The following NEMP2 variants were observed in gnomAD, a reference collection of about 807,000 sequenced individuals.
The protein encoded by NEMP2 is UPF0571 transmembrane protein.
NEMP2 carries 53 observed loss-of-function variants against 54.2 expected under a neutral mutation model. The ratio of observed to expected loss-of-function variants is 0.98; its 90% CI spans 0.78 to 1.23. NEMP2 has a LOEUF of 1.23. Ranked by LOEUF, NEMP2 falls within the 50% of genes most tolerant of loss-of-function variation. NEMP2 has a pLI of 0.00. For synonymous variants in NEMP2, 197 were observed against 190.3 expected, an observed-to-expected ratio of 1.04 and a Z score of -0.29; for missense variants, 455 against 511.3, an observed-to-expected ratio of 0.89 and a Z score of 1.06.
chr2:190,425,872 A>C, the NEMP2 span, among the ~76,000 whole-genome samples: 4 of 152,062 alleles, frequency 2.6e-5, no homozygotes, highest in Non-Finnish European at 5.9e-5. This position sits in a 1 kb window ranked among gnomAD's most constrained non-coding sequence, Gnocchi z 4.3. Context: ...TTCTTTTAGC[A>C]CTTAAAAAAA....
chr2:190,542,926 G>A, the NEMP2 span, among the ~76,000 whole-genome samples: 1 of 152,134 alleles, frequency 6.6e-6, no homozygotes, highest in African/African-American at 2.4e-5. This position sits in a 1 kb window ranked among gnomAD's most constrained non-coding sequence, Gnocchi z 4.6. Context: ...ATGGTTCCCT[G>A]TTTACTATAG....
At chr2:190,640,764 A>G in the NEMP2 span, among the ~76,000 whole-genome samples, 1 of 140,216 alleles carries the variant, frequency 7.1e-6, no homozygotes, top group Non-Finnish European at 1.5e-5. Flanking sequence ...CAATTCGCCA[A>G]CTCATCAATA....
the NEMP2 span, among the ~76,000 whole-genome samples, chr2:190,561,373 A>G: frequency 1.3e-5 from 2 of 152,160 alleles, no homozygotes; most frequent in African/African-American, 4.8e-5. This position sits in a 1 kb window ranked among gnomAD's most constrained non-coding sequence, Gnocchi z 5.4. Context: ...AAACAACAGG[A>G]AATTTATTTT....
the NEMP2 span, among the ~76,000 whole-genome samples, chr2:190,631,774 G>A: frequency 6.6e-6 from 1 of 152,186 alleles, no homozygotes; most frequent in Admixed American, 6.5e-5. Flanking sequence ...AGATACCATG[G>A]GCTGGGCATG....
the NEMP2 span, chr2:190,435,913 G>A: frequency 7.6e-7 from 1 of 1,315,026 alleles, no homozygotes; most frequent in Middle Eastern, 2.0e-4. Flanking sequence ...CCTGCAAGAT[G>A]AAGTTCTGTG....
chr2:190,456,786 C>T, the NEMP2 span, among the ~76,000 whole-genome samples: 1 of 152,232 alleles, frequency 6.6e-6, no homozygotes, highest in Admixed American at 6.5e-5. This position sits in a 1 kb window ranked among gnomAD's most constrained non-coding sequence, Gnocchi z 5.4. Context: ...GCATCGATAC[C>T]TGCAGTTTCT....
chr2:190,443,425 A>G, the NEMP2 span, among the ~76,000 whole-genome samples: 1 of 152,218 alleles, frequency 6.6e-6, no homozygotes, highest in African/African-American at 2.4e-5. The surrounding 1 kb of genome is among the most constrained non-coding windows in gnomAD (Gnocchi z 4.2). Context: ...TGACCAGCAT[A>G]GATTAGGAGT....
chr2:190,572,377 T>A, the NEMP2 span, among the ~76,000 whole-genome samples: 8 of 152,158 alleles, frequency 5.3e-5, no homozygotes, highest in Admixed American at 5.2e-4. Flanking sequence ...CTATAGAACA[T>A]GTGCCTCAAC....
At chr2:190,487,593 A>G in the NEMP2 span, among the ~76,000 whole-genome samples, 1 of 152,226 alleles carries the variant, frequency 6.6e-6, no homozygotes, top group African/African-American at 2.4e-5. The surrounding 1 kb of genome is among the most constrained non-coding windows in gnomAD (Gnocchi z 5.5). Flanking sequence ...TGGGCAAAGG[A>G]ATTGAATAAA....
chr2:190,523,604 C>G lies in NEMP2; in HGVS notation c.213+1659G>C, dbSNP rs1020957929. On this transcript the variant is annotated intron_variant, in intron 2 of 8. Coordinates refer to ENST00000409150, the MANE Select transcript of NEMP2 (RefSeq NM_001142645.2). The surrounding 1 kb of genome is among the most constrained non-coding windows in gnomAD (Gnocchi z 5.3). ...TGAACACACCTAATGTTGACTGTTC[C>G]TTGGAAAAAAAATGTTATGATTCCA... Among the ~76,000 whole-genome samples the G allele has an allele frequency of 1.3e-5, 1 of 77,214 alleles. No individual in the cohort carries two copies. The highest frequency in any genetic ancestry group is 3.4e-5 in the African/African-American group (1 of 29,116). 50.7% of individuals were successfully genotyped at this position (77,214 alleles called of 152,430 possible).
chr2:190,539,302 G>T (rs1435494554), upstream of NEMP2, among the ~76,000 whole-genome samples: 5 of 152,108 alleles, frequency 3.3e-5, no homozygotes, highest in African/African-American at 1.2e-4. The surrounding 1 kb of genome is among the most constrained non-coding windows in gnomAD (Gnocchi z 4.1). Flanking sequence ...TGTGCCATTG[G>T]TCTATGTGTC....
the NEMP2 span, among the ~76,000 whole-genome samples, chr2:190,577,468 A>C: frequency 6.6e-6 from 1 of 152,198 alleles, no homozygotes; most frequent in African/African-American, 2.4e-5. The surrounding 1 kb of genome is among the most constrained non-coding windows in gnomAD (Gnocchi z 4.8). Context: ...GGAATGATTA[A>C]AGGACCCTCA....
chr2:190,617,598 T>C, the NEMP2 span, among the ~76,000 whole-genome samples: 153 of 152,324 alleles, frequency 1.0e-3, no homozygotes, highest in Middle Eastern at 3.4e-3. The surrounding 1 kb of genome is among the most constrained non-coding windows in gnomAD (Gnocchi z 5.0). Flanking sequence ...CCTATTTAAT[T>C]TGAGTGTCAT....
chr2:190,518,359 A>T (rs1245974184), intron 4 of NEMP2, among the ~76,000 whole-genome samples: 4 of 152,226 alleles, frequency 2.6e-5, no homozygotes, highest in African/African-American at 7.2e-5. Context: ...CTAATGTAAT[A>T]GAGCAAGGTG....
chr2:190,637,543 C>A, the NEMP2 span, among the ~76,000 whole-genome samples: 4 of 152,172 alleles, frequency 2.6e-5, no homozygotes, highest in Admixed American at 2.0e-4. The surrounding 1 kb of genome is among the most constrained non-coding windows in gnomAD (Gnocchi z 4.5). Context: ...CAATAATTTC[C>A]CTAAGTTACT....
chr2:190,423,735 A>G, the NEMP2 span, among the ~76,000 whole-genome samples: 2 of 152,216 alleles, frequency 1.3e-5, no homozygotes, highest in African/African-American at 4.8e-5. This position sits in a 1 kb window ranked among gnomAD's most constrained non-coding sequence, Gnocchi z 4.3. Flanking sequence ...AGAGTGGTGT[A>G]CCATTTTAAA....
In NEMP2 at chr2:190,518,985, T is replaced by A; in HGVS notation, c.412A>T (p.Ile138Leu). The A allele has an allele frequency of 6.4e-7, 1 of 1,551,438 alleles. No individual in the cohort carries two copies. ...VCFSVEPVKK[I>L]FNYMIHVNRN... The stretch of plus-strand genomic sequence containing the variant: ...TTCACATGTATCATATAGTTAAATA[T>A]CTTCTTGACAGGCTCCACAGAGAAG... Residue 138 changes from isoleucine (I) to leucine (L), a missense_variant, in exon 3 of 9, where the codon ATA becomes TTA. Ile to Leu is a conservative substitution (Grantham distance 5). Around this residue, in one of 3 missense-constraint regions of NEMP2, gnomAD observed 61 missense variants for 97.5 expected, o/e 0.63. Coordinates refer to ENST00000409150, the MANE Select transcript of NEMP2 (RefSeq NM_001142645.2).
chr2:190,435,979 C>A, the NEMP2 span: 21 of 1,545,606 alleles, frequency 1.4e-5, no homozygotes, highest in South Asian at 2.4e-4. Context: ...CTTTACAGAT[C>A]AACAGTACAA....
chr2:190,496,683 TAC>T, the NEMP2 span, among the ~76,000 whole-genome samples: 1,668 of 151,762 alleles, frequency 0.011, 13 homozygotes, highest in Middle Eastern at 0.031. This position sits in a 1 kb window ranked among gnomAD's most constrained non-coding sequence, Gnocchi z 4.7. Flanking sequence ...TGTGTGTATA[TAC>T]ACACACACAC....
Sources: allele counts gnomAD v4.1 joint callset (sites outside exome capture counted in the v4.1 genomes callset), GRCh38; gene constraint gnomAD v4.1.1; regional missense constraint gnomAD v4.1.1; non-coding constraint Gnocchi (gnomAD v3.1); transcripts MANE v1.5; gene names NCBI Gene and HGNC (gene_info 2026-07-23, HGNC 2026-07-21).